The following MAPK10 variants were observed in gnomAD, a reference collection of about 807,000 sequenced individuals.
MAPK10 encodes the protein JNK3 alpha protein kinase.
Under a neutral mutation model 59.3 loss-of-function variants are expected in MAPK10, and 25 were observed. The observed-to-expected ratio is 0.42, with a 90% CI of 0.31 to 0.59. The LOEUF is 0.59. Among genes scored for constraint, MAPK10 ranks in the 20% least tolerant of loss-of-function variants. The pLI is 0.15. For synonymous variants in MAPK10, 190 were observed against 200.5 expected (o/e 0.95, Z 0.44); for missense variants, 351 against 568.9 (o/e 0.62, Z 3.90).
At chr4:86,031,198 T>A (rs1315494901) in intron 12 of MAPK10, among the ~76,000 whole-genome samples, 170 bp downstream of exon 12, 1 of 152,202 alleles carries the variant, frequency 6.6e-6, no homozygotes, top group Admixed American at 6.5e-5. Context: ...AAATGTGACA[T>A]TGCTTTCGGC....
chr4:86,305,881 A>T (rs2095559028), intron 2 of MAPK10, among the ~76,000 whole-genome samples: 1 of 152,218 alleles, frequency 6.6e-6, no homozygotes, highest in East Asian at 1.9e-4. Context: ...GCAGGAGTCT[A>T]TTGTAATACA....
chr4:86,047,942 T>C (rs1269329306), intron 11 of MAPK10, among the ~76,000 whole-genome samples: 1 of 152,078 alleles, frequency 6.6e-6, no homozygotes, highest in African/African-American at 2.4e-5. Flanking sequence ...GAATATTACA[T>C]GGTCCAGGGT....
intron 1 of MAPK10, among the ~76,000 whole-genome samples, chr4:86,554,460 A>G (rs985220801): frequency 6.6e-6 from 1 of 152,188 alleles, no homozygotes; most frequent in Non-Finnish European, 1.5e-5. Flanking sequence ...CAACTTTCCC[A>G]TCAAGGTTAA....
intron 1 of MAPK10, among the ~76,000 whole-genome samples, chr4:86,411,200 G>C (rs559525552): frequency 6.6e-6 from 1 of 152,244 alleles, no homozygotes; most frequent in South Asian, 2.1e-4. Flanking sequence ...TTTCCATGTA[G>C]TTGTGTGGTT....
At chr4:86,552,558 G>T (rs1759934362) in intron 1 of MAPK10, among the ~76,000 whole-genome samples, 2 of 144,270 alleles carry the variant, frequency 1.4e-5, no homozygotes, top group Non-Finnish European at 3.0e-5. Flanking sequence ...AGGAAGGAAG[G>T]AATAGAATAA....
chr4:86,035,541 TA>T (rs1240643204), intron 11 of MAPK10, among the ~76,000 whole-genome samples: 3 of 145,742 alleles, frequency 2.1e-5, no homozygotes, highest in Non-Finnish European at 3.0e-5. Context: ...GCACGATCTA[TA>T]AAAAAATATT....
At chr4:86,564,382 C>A (rs1760907652) in intron 1 of MAPK10, among the ~76,000 whole-genome samples, 1 of 152,104 alleles carries the variant, frequency 6.6e-6, no homozygotes, top group Non-Finnish European at 1.5e-5. Flanking sequence ...GGAAAAGGAC[C>A]AAAACCATTA....
chr4:86,301,954 C>G (rs1487667746), intron 2 of MAPK10, among the ~76,000 whole-genome samples: 2 of 152,082 alleles, frequency 1.3e-5, no homozygotes, highest in Non-Finnish European at 2.9e-5. Flanking sequence ...TTTTAAATTT[C>G]TCAGCCATTT....
Position 86,017,164 on chromosome 4 carries a change from C to A in MAPK10, c.*64G>T. 1.3e-6 allele frequency: 2 copies of A among 1,487,000 alleles called. No individual in the cohort carries two copies. Among genetic ancestry groups the A allele is most frequent in the South Asian group, 2.4e-5 (2 of 82,356 alleles). 92.1% of individuals were successfully genotyped at this position (1,487,000 alleles called of 1,614,324 possible). ...GCATTTGTGTGTGTGTGTGTGTCTGCGTGTGTGTGTGTTCCATCACATCAT... is the reference window on the plus strand; with the variant it reads ...GCATTTGTGTGTGTGTGTGTGTCTGAGTGTGTGTGTGTTCCATCACATCAT... On this transcript the variant is annotated 3_prime_UTR_variant, in exon 14 of 14. Coordinates refer to ENST00000641462, the MANE Select transcript of MAPK10 (RefSeq NM_138982.4). The surrounding 1 kb of genome is among the most constrained non-coding windows in gnomAD (Gnocchi z 4.4).
chr4:86,416,675 T>C (rs779680890), intron 1 of MAPK10, among the ~76,000 whole-genome samples: 20 of 152,202 alleles, frequency 1.3e-4, no homozygotes, highest in Non-Finnish European at 2.6e-4. Context: ...CCTTCCTCAT[T>C]TGAATTGCAT....
chr4:86,475,746 G>A (rs763134117), intron 1 of MAPK10, among the ~76,000 whole-genome samples: 2 of 151,744 alleles, frequency 1.3e-5, no homozygotes, highest in African/African-American at 4.8e-5. Flanking sequence ...GGCAAGTACC[G>A]CTTTTCTAGG....
At chr4:86,207,616 G>C (rs2084466897) in intron 2 of MAPK10, among the ~76,000 whole-genome samples, 1 of 152,072 alleles carries the variant, frequency 6.6e-6, no homozygotes, top group Admixed American at 6.6e-5. Context: ...GGATGGCATT[G>C]AATCTGTAAA....
chr4:86,041,357 A>G (rs1186649504), intron 11 of MAPK10, among the ~76,000 whole-genome samples: 1 of 152,096 alleles, frequency 6.6e-6, no homozygotes, highest in Non-Finnish European at 1.5e-5. Context: ...ACTTAAATGT[A>G]AAACCCAAAA....
chr4:86,125,478 T>C (rs2059927984), intron 4 of MAPK10: 1 of 152,058 alleles, frequency 6.6e-6, no homozygotes, highest in Non-Finnish European at 1.5e-5. Context: ...GCATGTACTT[T>C]CATTGACAAA....
At chr4:86,572,971 A>G (rs1186979616) in intron 1 of MAPK10, among the ~76,000 whole-genome samples, 2 of 152,144 alleles carry the variant, frequency 1.3e-5, no homozygotes, top group African/African-American at 2.4e-5. Flanking sequence ...CTTTTGCCCA[A>G]TTAAAAAAAT....
intron 1 of MAPK10, among the ~76,000 whole-genome samples, chr4:86,528,846 G>A (rs1189115022): frequency 6.6e-6 from 1 of 152,200 alleles, no homozygotes; most frequent in African/African-American, 2.4e-5. Context: ...AGATATTTCA[G>A]ACTTAGTCCT....
chr4:86,483,727 T>C (rs544824351), intron 1 of MAPK10, among the ~76,000 whole-genome samples: 190 of 152,200 alleles, frequency 1.2e-3, no homozygotes, highest in African/African-American at 4.1e-3. Context: ...TCTTGGAATA[T>C]CAAAACTAAA....
In MAPK10 at chr4:86,162,570, G is replaced by A. The variant is rs115619073; in HGVS notation, c.67-3103C>T. ...GTGATAGTTTTTACCAGGTATTTAC[G>A]CATGTGAACGCTTCTCTTTATGGCC... On this transcript the variant is annotated intron_variant, in intron 3 of 13. Coordinates refer to ENST00000641462, the MANE Select transcript of MAPK10 (RefSeq NM_138982.4). Among the ~76,000 whole-genome samples the A allele has an allele frequency of 3.6e-3, 546 of 152,060 alleles. 9 individuals are homozygous for A. Among genetic ancestry groups the A allele is most frequent in the African/African-American group, 0.013 (525 of 41,504 alleles).
intron 2 of MAPK10, among the ~76,000 whole-genome samples, chr4:86,280,106 C>G (rs1410229630): frequency 6.6e-6 from 1 of 152,052 alleles, no homozygotes; most frequent in Non-Finnish European, 1.5e-5. Flanking sequence ...CAAAAATTGA[C>G]AAGTGGGACC....
Sources: allele counts gnomAD v4.1 joint callset (sites outside exome capture counted in the v4.1 genomes callset), GRCh38; gene constraint gnomAD v4.1.1; non-coding constraint Gnocchi (gnomAD v3.1); transcripts MANE v1.5; gene names NCBI Gene and HGNC (gene_info 2026-07-23, HGNC 2026-07-21).